Variants in CATSPERT observed in about 807,000 individuals in gnomAD.
The protein encoded by CATSPERT is catsper channel auxiliary subunit tau.
chr2:201,493,436 T>A, the CATSPERT span: 3 of 1,537,148 alleles, frequency 2.0e-6, no homozygotes, highest in African/African-American at 1.4e-5. Flanking sequence ...TCCTTTAGGT[T>A]TCCTTTAGGA....
chr2:201,491,815 G>C, the CATSPERT span: 1 of 1,536,896 alleles, frequency 6.5e-7, no homozygotes, highest in Non-Finnish European at 8.7e-7. Flanking sequence ...AGTTATTTTT[G>C]ATTTACCACC....
the CATSPERT span, among the ~76,000 whole-genome samples, chr2:201,576,198 T>A: frequency 6.6e-6 from 1 of 152,182 alleles, no homozygotes; most frequent in East Asian, 1.9e-4. Flanking sequence ...GACTCCATTT[T>A]ATATTTCGTA....
chr2:201,554,632 C>A, the CATSPERT span: 1 of 152,092 alleles, frequency 6.6e-6, no homozygotes, highest in African/African-American at 2.4e-5. Flanking sequence ...AAGTTAACAT[C>A]ATCTCTCCAA....
chr2:201,550,388 A>G, the CATSPERT span: 3 of 152,190 alleles, frequency 2.0e-5, no homozygotes, highest in Non-Finnish European at 4.4e-5. Context: ...CATCAACATA[A>G]TTTATCACTT....
chr2:201,585,921 A>C, the CATSPERT span, among the ~76,000 whole-genome samples: 1 of 152,076 alleles, frequency 6.6e-6, no homozygotes, highest in African/African-American at 2.4e-5. Context: ...AGTTAGACCC[A>C]ATGTGCCTGC....
At chr2:201,498,585 C>T in the CATSPERT span, among the ~76,000 whole-genome samples, 1 of 152,130 alleles carries the variant, frequency 6.6e-6, no homozygotes, top group African/African-American at 2.4e-5. Context: ...CACAGACACA[C>T]CCAGAAACAA....
At chr2:201,491,430 G>T in the CATSPERT span, 5 of 1,537,096 alleles carry the variant, frequency 3.3e-6, no homozygotes, top group Non-Finnish European at 4.4e-6. Context: ...CAGGGAACTT[G>T]GCACATTTTT....
the CATSPERT span, chr2:201,572,143 A>G: frequency 1.7e-6 from 1 of 595,852 alleles, no homozygotes; most frequent in Non-Finnish European, 2.9e-6. Context: ...ATAGGCCTTA[A>G]ATGAGACATG....
the CATSPERT span, among the ~76,000 whole-genome samples, chr2:201,507,079 G>A: frequency 2.0e-5 from 3 of 152,056 alleles, no homozygotes; most frequent in Admixed American, 1.3e-4. Flanking sequence ...TAGAAGTCAG[G>A]AAACAAAACT....
chr2:201,589,617 A>C, the CATSPERT span, among the ~76,000 whole-genome samples: 1 of 152,188 alleles, frequency 6.6e-6, no homozygotes, highest in East Asian at 1.9e-4. Context: ...AGATTGATTA[A>C]ATATTTAAAT....
chr2:201,511,300 G>A, the CATSPERT span, among the ~76,000 whole-genome samples: 1 of 152,132 alleles, frequency 6.6e-6, no homozygotes, highest in Non-Finnish European at 1.5e-5. Context: ...ACACAGGTGA[G>A]TAAAGTTAAT....
the CATSPERT span, among the ~76,000 whole-genome samples, chr2:201,566,480 T>C: frequency 6.6e-6 from 1 of 151,660 alleles, no homozygotes; most frequent in Non-Finnish European, 1.5e-5. Context: ...CTTGCGATAG[T>C]TTGCTCAGAA....
the CATSPERT span, chr2:201,492,578 A>T: frequency 4.6e-6 from 7 of 1,531,186 alleles, no homozygotes; most frequent in South Asian, 8.4e-5. Flanking sequence ...ATAGTCTCAG[A>T]TGCTGTCTCA....
chr2:201,611,443 A>G, the CATSPERT span, among the ~76,000 whole-genome samples: 666 of 152,356 alleles, frequency 4.4e-3, 2 homozygotes, highest in African/African-American at 0.015. Context: ...AATATACTCA[A>G]ACTTATGGGA....
chr2:201,568,655 G>A, the CATSPERT span, among the ~76,000 whole-genome samples: 1 of 152,134 alleles, frequency 6.6e-6, no homozygotes, highest in East Asian at 1.9e-4. Flanking sequence ...GAGTTAAATG[G>A]AGATGTGGTA....
At chr2:201,490,876 A>G in the CATSPERT span, among the ~76,000 whole-genome samples, 2 of 152,018 alleles carry the variant, frequency 1.3e-5, no homozygotes, top group South Asian at 2.1e-4. Context: ...GGCGCCCGCC[A>G]CCATGCCCGG....
the CATSPERT span, among the ~76,000 whole-genome samples, chr2:201,581,827 C>T: frequency 3.0e-4 from 45 of 151,246 alleles, 1 homozygote; most frequent in Non-Finnish European, 4.9e-4. Context: ...AGGCTGGTCT[C>T]GAACTCCCGA....
the CATSPERT span, among the ~76,000 whole-genome samples, chr2:201,489,105 T>C: frequency 1.3e-5 from 2 of 152,064 alleles, no homozygotes; most frequent in African/African-American, 4.8e-5. Flanking sequence ...TTTTAGAAAA[T>C]CAGATGAGTA....
chr2:201,491,391 T>C, the CATSPERT span: 3 of 1,537,078 alleles, frequency 2.0e-6, no homozygotes, highest in Admixed American at 5.9e-5. Context: ...TCTCATCTTC[T>C]ACAACCTTAT....
Sources: allele counts gnomAD v4.1 joint callset (sites outside exome capture counted in the v4.1 genomes callset), GRCh38; gene constraint gnomAD v4.1.1; transcripts MANE v1.5; gene names NCBI Gene and HGNC (gene_info 2026-07-23, HGNC 2026-07-21).